Variants in TLL1 observed in about 807,000 individuals in gnomAD.
TLL1 encodes tolloid like 1, also known as tolloid-like protein 1.
Under a neutral mutation model 128.2 loss-of-function variants are expected in TLL1, and 49 were observed. The observed-to-expected ratio is 0.38, with a 90% CI of 0.30 to 0.48. TLL1 has a LOEUF of 0.48. Among genes scored for constraint, TLL1 ranks in the 20% least tolerant of loss-of-function variants. TLL1 has a pLI of 0.96. For synonymous variants in TLL1, 454 were observed against 418.8 expected (o/e 1.08, Z -1.03); for missense variants, 1,123 against 1,242.0 (o/e 0.90, Z 1.44).
At chr4:165,964,823 G>C (rs913876726) in intron 1 of TLL1, among the ~76,000 whole-genome samples, 1 of 152,104 alleles carries the variant, frequency 6.6e-6, no homozygotes, top group Non-Finnish European at 1.5e-5. Context: ...AGTAGTCCTA[G>C]CTATTCAGGC....
chr4:166,055,895 G>T (rs571463874), intron 13 of TLL1, among the ~76,000 whole-genome samples: 89 of 152,108 alleles, frequency 5.9e-4, no homozygotes, highest in Non-Finnish European at 1.1e-3. Flanking sequence ...CACTTATGTT[G>T]TGTGTCATTA....
Position 166,014,504 on chromosome 4 carries a change from G to A in TLL1, c.986G>A (p.Arg329Gln), listed in dbSNP as rs1274354943. The change falls in exon 8 of 21, where the codon CGA (arginine) becomes CAA (glutamine). Residue 329 changes from arginine (R) to glutamine (Q), a missense_variant. Arg to Gln is a conservative substitution (Grantham distance 43). Transcript: ENST00000061240. The part of the protein sequence containing the change: ...DNGIRPAIGQ[R>Q]TRLSKGDIAQ... Reference sequence around the variant, plus strand: ...GGCATACGTCCTGCAATTGGTCAGCGAACCCGTCTAAGCAAAGGAGATATC... The same window carrying A: ...GGCATACGTCCTGCAATTGGTCAGCAAACCCGTCTAAGCAAAGGAGATATC... 1.9e-6 allele frequency: 3 copies of A among 1,612,430 alleles called. No homozygotes were observed. Among genetic ancestry groups the A allele is most frequent in the Non-Finnish European group, 2.5e-6 (3 of 1,178,860 alleles).
At chr4:165,877,177 T>A (rs2110802468) in intron 1 of TLL1, among the ~76,000 whole-genome samples, 1 of 152,372 alleles carries the variant, frequency 6.6e-6, no homozygotes, top group Non-Finnish European at 1.5e-5. Context: ...AATTCTGATT[T>A]CAAGTTCATG....
rs145391896 is a variant in TLL1 at position 165,931,926 on chromosome 4, A to G, written c.170-57455A>G. ...AGAAGCTATGCTAAGTTGATTAGCA[A>G]GGAGGTCAGGCGAGTGACTCAGAAT... is the stretch of plus-strand genomic sequence containing the variant. On this transcript the variant is annotated intron_variant, in intron 1 of 20. Transcript: ENST00000061240. Among the ~76,000 whole-genome samples, 251 of 152,256 alleles carry G rather than the reference A, an allele frequency of 1.6e-3. 3 individuals are homozygous for G. Among genetic ancestry groups the G allele is most frequent in the Middle Eastern group, 0.01 (3 of 294 alleles).
intron 15 of TLL1, among the ~76,000 whole-genome samples, chr4:166,064,383 G>T (rs978130734): frequency 1.3e-5 from 2 of 152,066 alleles, no homozygotes; most frequent in African/African-American, 4.8e-5. Context: ...CTAGAGGTCT[G>T]CATTCAGGAG....
At chr4:166,039,492 CA>C in intron 10 of TLL1, 51 bp downstream of exon 10, 11 of 1,330,950 alleles carry the variant, frequency 8.3e-6, no homozygotes, top group South Asian at 2.4e-5. Context: ...CTGTCCCGTC[CA>C]AAAAAACCAA....
Position 166,077,973 on chromosome 4 carries a change from A to G in TLL1, c.2385A>G (p.Pro795=). The change falls in exon 18 of 21, where the codon CCA becomes CCG. Residue 795 remains proline, a synonymous_variant. Transcript: ENST00000061240. ...ITSPNWPDKY[P]SRKECTWEIS... Reference sequence around the variant, plus strand: ...GTCCCAACTGGCCAGACAAGTACCCAAGCAGGAAAGAATGCACTTGGGAAA... The same window carrying G: ...GTCCCAACTGGCCAGACAAGTACCCGAGCAGGAAAGAATGCACTTGGGAAA... 6.2e-7 allele frequency: 1 copy of G among 1,613,738 alleles called. No individual in the cohort carries two copies. Among genetic ancestry groups the G allele is most frequent in the Middle Eastern group, 1.7e-4 (1 of 6,058 alleles).
At chr4:166,010,541 T>G (rs1737641940) in intron 7 of TLL1, among the ~76,000 whole-genome samples, 1 of 150,614 alleles carries the variant, frequency 6.6e-6, no homozygotes, top group South Asian at 2.1e-4. Context: ...CCACTTAATT[T>G]ATATATGTAT....
chr4:165,966,960 C>CA (rs1735412257), intron 1 of TLL1, among the ~76,000 whole-genome samples: 3 of 152,184 alleles, frequency 2.0e-5, no homozygotes, highest in Non-Finnish European at 4.4e-5. Context: ...CTAGTCCTAA[C>CA]AGGCCTGGGG....
chr4:165,880,445 G>T (rs1368691979), intron 1 of TLL1, among the ~76,000 whole-genome samples: 2 of 152,158 alleles, frequency 1.3e-5, no homozygotes, highest in African/African-American at 2.4e-5. Context: ...GCTATCCATT[G>T]TATTTTTTAA....
At chr4:166,089,999 C>A (rs1036336625) in intron 18 of TLL1, among the ~76,000 whole-genome samples, 1 of 151,942 alleles carries the variant, frequency 6.6e-6, no homozygotes, top group Admixed American at 6.6e-5. Flanking sequence ...TGAGACAGAG[C>A]AATTTTTAGT....
At chr4:166,095,978 T>C (rs1741998265) in intron 19 of TLL1, among the ~76,000 whole-genome samples, 1 of 152,112 alleles carries the variant, frequency 6.6e-6, no homozygotes, top group African/African-American at 2.4e-5. Context: ...AAATGACCTA[T>C]TACAATAAAT....
chr4:165,888,039 A>G (rs1455354433), intron 1 of TLL1, among the ~76,000 whole-genome samples: 1 of 152,174 alleles, frequency 6.6e-6, no homozygotes, highest in Non-Finnish European at 1.5e-5. Flanking sequence ...AATAATTTAT[A>G]TGTATATTCT....
intron 9 of TLL1, among the ~76,000 whole-genome samples, chr4:166,037,888 G>A (rs1286765332): frequency 2.0e-5 from 3 of 151,448 alleles, no homozygotes; most frequent in African/African-American, 7.3e-5. Flanking sequence ...TCTTATCCTT[G>A]GCAGATTTCT....
intron 1 of TLL1, among the ~76,000 whole-genome samples, chr4:165,908,223 G>A (rs1428162251): frequency 1.3e-5 from 2 of 152,192 alleles, no homozygotes; most frequent in Non-Finnish European, 2.9e-5. Context: ...CAGCTGGTAA[G>A]TGGTGGAGGT....
At chr4:165,981,923 A>G (rs1234088687) in intron 1 of TLL1, among the ~76,000 whole-genome samples, 3 of 152,048 alleles carry the variant, frequency 2.0e-5, no homozygotes, top group Non-Finnish European at 2.9e-5. Context: ...TTCATTCCCT[A>G]TATGAGATTT....
chr4:165,961,629 C>G (rs1735109837), intron 1 of TLL1, among the ~76,000 whole-genome samples: 1 of 152,006 alleles, frequency 6.6e-6, no homozygotes, highest in South Asian at 2.1e-4. Flanking sequence ...GACACAAAGA[C>G]CAGTGGAATA....
chr4:166,043,098 G>GA (rs1739310489), intron 11 of TLL1, among the ~76,000 whole-genome samples, 176 bp from the exon 12 acceptor site: 1 of 137,256 alleles, frequency 7.3e-6, no homozygotes, highest in African/African-American at 2.6e-5. Flanking sequence ...TACTTTACTA[G>GA]GTTTTTTTTA....
chr4:165,960,971 G>A (rs569960328), intron 1 of TLL1, among the ~76,000 whole-genome samples: 6 of 151,944 alleles, frequency 3.9e-5, no homozygotes, highest in African/African-American at 9.7e-5. Flanking sequence ...GGTTCTACCC[G>A]GAATAATCAG....
Sources: allele counts gnomAD v4.1 joint callset (sites outside exome capture counted in the v4.1 genomes callset), GRCh38; gene constraint gnomAD v4.1.1; transcripts MANE v1.5; gene names NCBI Gene and HGNC (gene_info 2026-07-23, HGNC 2026-07-21).